Variants in PAX5 observed in about 807,000 individuals in gnomAD.
PAX5 encodes paired box 5.
PAX5 carries 9 observed loss-of-function variants against 43.7 expected under a neutral mutation model. The observed-to-expected ratio is 0.21, with a 90% confidence interval of 0.12 to 0.36. The LOEUF (loss-of-function observed/expected upper bound fraction) is 0.36, where lower values mean the gene tolerates loss of function less well. Ranked by LOEUF, PAX5 falls within the 10% of genes least tolerant of loss-of-function variation. The probability of loss-of-function intolerance (pLI) is 1.00; values close to 1 mark genes in which losing one functional copy is unlikely to be tolerated. For synonymous variants in PAX5, 228 were observed against 214.3 expected (o/e 1.06, Z -0.56); for missense variants, 383 against 532.7 (o/e 0.72, Z 2.77).
At chr9:36,848,350 C>CCCCACACACACACACACA (rs1554646826) in intron 8 of PAX5, among the ~76,000 whole-genome samples, 11 of 136,366 alleles carry the variant, frequency 8.1e-5, no homozygotes, top group African/African-American at 3.1e-4. Flanking sequence ...CAGAGCGTGT[C>CCCCACACACACACACACA]CACACACACA....
chr9:37,034,098 CTTTTTTTTT>C lies in PAX5; in HGVS notation c.-76_-68del, dbSNP rs576653546. On this transcript the variant is annotated 5_prime_UTR_variant, in exon 1 of 10. Coordinates refer to ENST00000358127, the MANE Select transcript of PAX5 (RefSeq NM_016734.3). ...TCCACTTTTTTGTGCCTTTTTTTTT[CTTTTTTTTT>C]TTTTTTTTTTTTTTTTTTTGGTGCC... is the stretch of plus-strand genomic sequence containing the variant. The C allele has an allele frequency of 5.3e-4, 169 of 319,910 alleles. No homozygotes were observed. Among genetic ancestry groups the C allele is most frequent in the Middle Eastern group, 1.8e-3 (2 of 1,092 alleles). 19.8% of individuals were successfully genotyped at this position (319,910 alleles called of 1,614,324 possible). A position where few individuals can be genotyped will look rare whatever the true frequency, so the allele number is the denominator to read the frequency against.
At chr9:36,902,446 C>G (rs1451983106) in intron 7 of PAX5, among the ~76,000 whole-genome samples, 1 of 152,188 alleles carries the variant, frequency 6.6e-6, no homozygotes, top group Non-Finnish European at 1.5e-5. Flanking sequence ...GAAGATTGAA[C>G]AGGAATAATT....
rs542505232 is a variant in PAX5 at position 36,834,241 on chromosome 9, G to C, written c.*6319C>G. 3.7e-4 allele frequency: 86 copies of C among 233,336 alleles called. No homozygotes were observed. The highest frequency in any genetic ancestry group is 1.8e-3 in the African/African-American group (83 of 45,474). The allele number at this position is 233,336 out of a possible 1,614,324, so 14.5% of individuals were successfully genotyped here. On this transcript the variant is annotated 3_prime_UTR_variant, in exon 10 of 10. Transcript: ENST00000358127. ...CTCACTGCCCGCCACCCTCTGTTGT[G>C]CTGGGTGCTTGGGGCCAGGGGATGG...
intron 6 of PAX5, among the ~76,000 whole-genome samples, chr9:36,938,695 A>C (rs946792599): frequency 4.6e-5 from 7 of 152,334 alleles, no homozygotes; most frequent in African/African-American, 1.7e-4. Flanking sequence ...CAGTAATAAC[A>C]GTAGGCTGGG....
At position 36,836,184 on chromosome 9, in the gene PAX5, C is replaced by T. The variant is rs911033289; in HGVS notation, c.*4376G>A. On this transcript the variant is annotated 3_prime_UTR_variant, in exon 10 of 10. Transcript: ENST00000358127. ...ACATGTGAAAGGTGCCCAAGCAGCA[C>T]TGACCTCCCCTGAAAACCCAGCAGC... 1.3e-5 allele frequency: 3 copies of T among 233,634 alleles called. No homozygotes were observed. Among genetic ancestry groups the T allele is most frequent in the Middle Eastern group, 2.5e-3 (2 of 788 alleles). 14.5% of individuals were successfully genotyped at this position (233,634 alleles called of 1,614,324 possible). A position where few individuals can be genotyped will look rare whatever the true frequency, so the allele number is the denominator to read the frequency against.
At chr9:36,883,035 G>T (rs939652145) in intron 7 of PAX5, among the ~76,000 whole-genome samples, 8 of 152,224 alleles carry the variant, frequency 5.3e-5, no homozygotes, top group Admixed American at 3.9e-4. Flanking sequence ...CCAGTAGGAG[G>T]CTGCCTGGTA....
chr9:37,008,160 A>G (rs1337512803), intron 3 of PAX5: 1 of 152,212 alleles, frequency 6.6e-6, no homozygotes, highest in African/African-American at 2.4e-5. Flanking sequence ...CTAGGGTTCA[A>G]CTGATTCTCC....
chr9:36,851,045 C>T (rs893978697), intron 8 of PAX5, among the ~76,000 whole-genome samples: 1 of 152,212 alleles, frequency 6.6e-6, no homozygotes, highest in Non-Finnish European at 1.5e-5. Context: ...TGCCATCAGG[C>T]CATCTGCTCA....
Position 36,978,916 on chromosome 9 carries a change from C to CTA in PAX5, c.605-12194_605-12193dup, listed in dbSNP as rs376372425. On this transcript the variant is annotated intron_variant, in intron 5 of 9. Coordinates refer to ENST00000358127, the MANE Select transcript of PAX5 (RefSeq NM_016734.3). ...TTCCCCATAAGATGGTCCCCGATAT[C>CTA]TATATATATATATGATCTTCAACCT... is the stretch of plus-strand genomic sequence containing the variant. Among the ~76,000 whole-genome samples the CTA allele has an allele frequency of 4.1e-3, 618 of 151,672 alleles. 5 individuals are homozygous for CTA. The highest frequency in any genetic ancestry group is 0.014 in the African/African-American group (588 of 41,374).
At chr9:36,868,400 G>T (rs1452219617) in intron 8 of PAX5, among the ~76,000 whole-genome samples, 1 of 152,248 alleles carries the variant, frequency 6.6e-6, no homozygotes, top group Non-Finnish European at 1.5e-5. Context: ...CAGGAGACGG[G>T]CGCACGGGGT....
chr9:36,854,716 A>G (rs1431196181), intron 8 of PAX5, among the ~76,000 whole-genome samples: 2 of 152,148 alleles, frequency 1.3e-5, no homozygotes, highest in Admixed American at 6.5e-5. Context: ...TGAGCTCAGT[A>G]AAGGTCAGCC....
chr9:37,000,277 G>A (rs1837736768), intron 5 of PAX5, among the ~76,000 whole-genome samples: 1 of 152,196 alleles, frequency 6.6e-6, no homozygotes, highest in African/African-American at 2.4e-5. Context: ...TCTCAGTGGT[G>A]TGGGGTAGGA....
At chr9:36,899,538 G>A (rs1036221227) in intron 7 of PAX5, among the ~76,000 whole-genome samples, 12 of 152,256 alleles carry the variant, frequency 7.9e-5, no homozygotes, top group African/African-American at 2.4e-5. Context: ...ATAAGGACAG[G>A]AGGCTTTTTT....
chr9:36,985,749 G>T (rs1235266177), intron 5 of PAX5, among the ~76,000 whole-genome samples: 4 of 152,170 alleles, frequency 2.6e-5, no homozygotes, highest in Admixed American at 2.0e-4. Context: ...ACGTGGCAGG[G>T]TCAAAATCCA....
At chr9:36,872,407 T>C (rs1275628956) in intron 8 of PAX5, among the ~76,000 whole-genome samples, 5 of 152,144 alleles carry the variant, frequency 3.3e-5, no homozygotes, top group African/African-American at 1.2e-4. Flanking sequence ...CTTAGAAACC[T>C]TGAATGGCAG....
At chr9:36,949,296 A>G (rs1003042756) in intron 6 of PAX5, among the ~76,000 whole-genome samples, 1 of 152,034 alleles carries the variant, frequency 6.6e-6, no homozygotes, top group Non-Finnish European at 1.5e-5. Flanking sequence ...TCCTGACCTC[A>G]TGATCCACCT....
intron 7 of PAX5, among the ~76,000 whole-genome samples, chr9:36,905,573 A>C (rs1272173813): frequency 6.6e-6 from 1 of 152,166 alleles, no homozygotes; most frequent in Non-Finnish European, 1.5e-5. Flanking sequence ...GCAAGACCAA[A>C]GGCTTGGAGT....
At chr9:36,874,091 A>G (rs1230659393) in intron 8 of PAX5, among the ~76,000 whole-genome samples, 1 of 152,174 alleles carries the variant, frequency 6.6e-6, no homozygotes, top group Admixed American at 6.5e-5. Flanking sequence ...GCCAGACCAC[A>G]AAAGAAACCT....
intron 6 of PAX5, among the ~76,000 whole-genome samples, chr9:36,955,094 T>C (rs995356247): frequency 6.6e-6 from 1 of 152,206 alleles, no homozygotes; most frequent in African/African-American, 2.4e-5. Context: ...GTTCCTTCTT[T>C]TGTCATGGCA....
Sources: gnomAD v4.1 joint callset for allele counts (sites outside exome capture counted in the v4.1 genomes callset) on GRCh38, gnomAD v4.1.1 for gene constraint, MANE v1.5 for transcripts, NCBI Gene and HGNC (gene_info 2026-07-23, HGNC 2026-07-21) for gene names.